The following SFT2D1 variants were observed in gnomAD, a reference collection of about 807,000 sequenced individuals.
SFT2D1 encodes vesicle transport protein SFT2A.
Under a neutral mutation model 28.1 loss-of-function variants are expected in SFT2D1, and 24 were observed. The observed-to-expected ratio is 0.85, with a 90% CI of 0.62 to 1.20. The LOEUF is 1.20. SFT2D1 is among the 50% of genes most tolerant of loss of function. The pLI is 0.00. For synonymous variants in SFT2D1, 82 were observed against 73.7 expected, an observed-to-expected ratio of 1.11 and a Z score of -0.58; for missense variants, 181 against 190.9, an observed-to-expected ratio of 0.95 and a Z score of 0.31.
chr6:166,336,317 C>T (rs1467037703), intron 1 of SFT2D1, among the ~76,000 whole-genome samples: 1 of 152,156 alleles, frequency 6.6e-6, no homozygotes, highest in Admixed American at 6.5e-5. Context: ...ATCACCCAAG[C>T]AAAGTCACAG....
intron 7 of SFT2D1, among the ~76,000 whole-genome samples, chr6:166,321,268 A>G (rs1164253443): frequency 6.6e-6 from 1 of 152,226 alleles, no homozygotes; most frequent in African/African-American, 2.4e-5. Context: ...TACCTAGGCC[A>G]TAAAAAATAT....
intron 1 of SFT2D1, among the ~76,000 whole-genome samples, chr6:166,331,224 A>G (rs1439355726): frequency 6.6e-6 from 1 of 152,246 alleles, no homozygotes; most frequent in Non-Finnish European, 1.5e-5. Context: ...AAGAAACTAG[A>G]AATATACAGC....
chr6:166,328,393 C>A, intron 3 of SFT2D1, 36 bp from the exon 4 acceptor site: 1 of 1,226,886 alleles, frequency 8.2e-7, no homozygotes, highest in South Asian at 1.6e-5. Flanking sequence ...AGGTACAGGT[C>A]TACTAATTTA....
chr6:166,339,817 C>T (rs534434144), intron 1 of SFT2D1, among the ~76,000 whole-genome samples: 1 of 152,202 alleles, frequency 6.6e-6, no homozygotes, highest in South Asian at 2.1e-4. Flanking sequence ...TTCTACACAC[C>T]TAGAGAAAAC....
intron 5 of SFT2D1, 119 bp downstream of exon 5, chr6:166,326,013 A>C (rs1778437848): frequency 1.0e-6 from 1 of 1,003,224 alleles, no homozygotes; most frequent in Non-Finnish European, 1.5e-6. Context: ...AGGAACACCT[A>C]ATCTTTAGAG....
Position 166,324,590 on chromosome 6 carries a change from A to T in SFT2D1, c.357T>A (p.His119Gln). Residue 119 changes from histidine to glutamine, a missense_variant, in exon 6 of 8, where the codon CAT (histidine) becomes CAA (glutamine). Physicochemically the swap from His to Gln is conservative, Grantham distance 24. Transcript: ENST00000361731. ...IFTLCAALWW[H>Q]KKGLAVLFCI... The stretch of plus-strand genomic sequence containing the variant: ...AGAATAACACAGCCAGTCCCTTCTT[A>T]TGCCACTAACAACAGCAAAAACAGA... 1 of 1,612,766 alleles carries T rather than the reference A, an allele frequency of 6.2e-7. No homozygotes were observed. Among genetic ancestry groups the T allele is most frequent in the Non-Finnish European group, 8.5e-7 (1 of 1,179,786 alleles).
chr6:166,328,741 T>C (rs1007578913), intron 3 of SFT2D1, among the ~76,000 whole-genome samples: 1 of 152,218 alleles, frequency 6.6e-6, no homozygotes, highest in Admixed American at 6.5e-5. Flanking sequence ...AGGATGGATG[T>C]GCCTTAACCT....
intron 7 of SFT2D1, among the ~76,000 whole-genome samples, 182 bp downstream of exon 7, chr6:166,322,674 AG>A (rs753537560): frequency 4.6e-4 from 64 of 138,198 alleles, no homozygotes; most frequent in Non-Finnish European, 9.0e-4. Context: ...CTGGCGACAC[AG>A]TGAGACTCTG....
chr6:166,328,703 C>T (rs1161694206), intron 3 of SFT2D1, among the ~76,000 whole-genome samples: 1 of 152,212 alleles, frequency 6.6e-6, no homozygotes, highest in Admixed American at 6.5e-5. Flanking sequence ...ACACAGGGAT[C>T]TTCCCCTTGG....
Position 166,320,183 on chromosome 6 carries a change from C to T in SFT2D1, c.*34G>A, listed in dbSNP as rs367730755. 6.2e-7 allele frequency: 1 copy of T among 1,603,214 alleles called. No individual in the cohort carries two copies. On this transcript the variant is annotated 3_prime_UTR_variant, in exon 8 of 8. Transcript: ENST00000361731. The stretch of plus-strand genomic sequence containing the variant: ...AACTTCACCAAACATAGAGTACCAA[C>T]ATTCAAGTGCTCTTTTCCACAAGTT...
chr6:166,336,469 C>A (rs1372286959), intron 1 of SFT2D1, among the ~76,000 whole-genome samples: 1 of 152,104 alleles, frequency 6.6e-6, no homozygotes, highest in Non-Finnish European at 1.5e-5. Flanking sequence ...ATTTAATTCT[C>A]TTAAAAAAAC....
intron 7 of SFT2D1, among the ~76,000 whole-genome samples, chr6:166,321,805 C>A (rs1187642760): frequency 2.6e-5 from 4 of 152,192 alleles, no homozygotes; most frequent in African/African-American, 9.7e-5. Flanking sequence ...TTTTAAAATG[C>A]CGGTTACCTC....
At chr6:166,322,587 G>C (rs1778376333) in intron 7 of SFT2D1, among the ~76,000 whole-genome samples, 2 of 151,158 alleles carry the variant, frequency 1.3e-5, no homozygotes, top group Non-Finnish European at 2.9e-5. Context: ...CAGCTACTTA[G>C]GAGGCTGAGG....
Position 166,330,145 on chromosome 6 carries a change from T to C in SFT2D1, c.150+16A>G, listed in dbSNP as rs1249529435. 1 of 1,543,254 alleles carries C rather than the reference T, an allele frequency of 6.5e-7. No individual in the cohort carries two copies. Among genetic ancestry groups the C allele is most frequent in the South Asian group, 1.2e-5 (1 of 80,084 alleles). ...ACAAAATAAAAATTATTAAACAATA[T>C]AAAGCCTTAACTCACAAGAATAGAA... On this transcript the variant is annotated intron_variant, in intron 2 of 7. Transcript: ENST00000361731.
rs1778493495 is a variant in SFT2D1 at position 166,328,500 on chromosome 6, T to C, written c.234-143A>G. On this transcript the variant is annotated intron_variant, in intron 3 of 7. Coordinates refer to ENST00000361731, the MANE Select transcript of SFT2D1 (RefSeq NM_145169.3). ...CTAAAATTTTTTTTTTCCTTAACTT[T>C]ATAAAGAAACTTTACAACTATACCA... The C allele has an allele frequency of 2.3e-5, 11 of 481,442 alleles. No homozygotes were observed. In the South Asian group the frequency reaches 4.3e-4, roughly 19 times the overall value. 29.8% of individuals were successfully genotyped at this position (481,442 alleles called of 1,614,324 possible).
chr6:166,321,340 C>T (rs1028812831), intron 7 of SFT2D1, among the ~76,000 whole-genome samples: 1 of 152,144 alleles, frequency 6.6e-6, no homozygotes, highest in African/African-American at 2.4e-5. Context: ...AGTGTGGGAT[C>T]CTGTGTCTGG....
intron 1 of SFT2D1, chr6:166,331,237 G>A (rs1185634358): frequency 6.6e-6 from 1 of 152,380 alleles, no homozygotes. Context: ...TATACAGCAA[G>A]GATTTATATT....
chr6:166,340,299 C>A (rs1778752279), intron 1 of SFT2D1, among the ~76,000 whole-genome samples: 1 of 152,248 alleles, frequency 6.6e-6, no homozygotes, highest in South Asian at 2.1e-4. Context: ...CTCCACAGAG[C>A]TGCCAGAGTG....
rs1167040845 is a variant in SFT2D1, at chr6:166,319,815, A to G, written c.*402T>C. ...TATAATAAGCAATTTTTAGCTTAAA[A>G]TAAGTTTCACATTTAAAGTAAAAAA... On this transcript the variant is annotated 3_prime_UTR_variant, in exon 8 of 8. Transcript: ENST00000361731. 2 of 147,796 alleles carry G rather than the reference A, an allele frequency of 1.4e-5. No individual in the cohort carries two copies. Among genetic ancestry groups the G allele is most frequent in the African/African-American group, 2.7e-5 (1 of 37,308 alleles). 9.2% of individuals were successfully genotyped at this position (147,796 alleles called of 1,614,324 possible).
Sources: allele counts gnomAD v4.1 joint callset (sites outside exome capture counted in the v4.1 genomes callset), GRCh38; gene constraint gnomAD v4.1.1; transcripts MANE v1.5; gene names NCBI Gene and HGNC (gene_info 2026-07-23, HGNC 2026-07-21).